The following FBXL17 variants were observed in gnomAD, a reference collection of about 807,000 sequenced individuals.
The protein encoded by FBXL17 is F-box and leucine rich repeat protein 17.
FBXL17 carries 22 observed loss-of-function variants against 66.2 expected under a neutral mutation model. The observed-to-expected ratio is 0.33, with a 90% CI of 0.24 to 0.47. FBXL17 has a LOEUF of 0.47. Ranked by LOEUF, FBXL17 falls within the 20% of genes least tolerant of loss-of-function variation. The pLI is 1.00. For missense variants in FBXL17, 878 were observed against 948.2 expected (o/e 0.93, Z 0.97); for synonymous variants, 474 against 400.5 (o/e 1.18, Z -2.19).
At chr5:108,117,659 G>C (rs143267366) in intron 6 of FBXL17, among the ~76,000 whole-genome samples, 1 of 152,038 alleles carries the variant, frequency 6.6e-6, no homozygotes, top group East Asian at 1.9e-4. Flanking sequence ...TTCAAAAAAC[G>C]TTGAGGTATT....
chr5:107,968,423 C>A (rs1258382662), intron 7 of FBXL17, among the ~76,000 whole-genome samples: 1 of 152,054 alleles, frequency 6.6e-6, no homozygotes, highest in Non-Finnish European at 1.5e-5. Context: ...ATGGTGAGGG[C>A]AGGGCAATTT....
At chr5:107,928,329 A>G (rs908468040) in intron 7 of FBXL17, among the ~76,000 whole-genome samples, 4 of 152,036 alleles carry the variant, frequency 2.6e-5, no homozygotes, top group African/African-American at 9.7e-5. Context: ...TCACACCATT[A>G]GTTGAGAAAC....
chr5:108,173,863 A>G (rs1384720855), intron 6 of FBXL17, among the ~76,000 whole-genome samples: 1 of 152,252 alleles, frequency 6.6e-6, no homozygotes, highest in Admixed American at 6.5e-5. Flanking sequence ...TGCTTCATAG[A>G]GAAACAGCTG....
At chr5:108,077,131 T>C (rs1391731909) in intron 6 of FBXL17, among the ~76,000 whole-genome samples, 1 of 152,186 alleles carries the variant, frequency 6.6e-6, no homozygotes, top group Admixed American at 6.5e-5. Flanking sequence ...TGATGGTAAA[T>C]ACTTGGCTTG....
intron 6 of FBXL17, among the ~76,000 whole-genome samples, chr5:108,167,855 A>G (rs1165405991): frequency 6.6e-6 from 1 of 152,246 alleles, no homozygotes; most frequent in East Asian, 1.9e-4. Context: ...GCTTTAAGAA[A>G]GGGAAGAAGA....
chr5:108,230,369 A>C (rs75865913), intron 4 of FBXL17, among the ~76,000 whole-genome samples: 6 of 152,170 alleles, frequency 3.9e-5, no homozygotes, highest in Non-Finnish European at 7.3e-5. Context: ...GTATATATAC[A>C]CAACAGAATA....
chr5:108,085,857 A>G (rs1748950025), intron 6 of FBXL17, among the ~76,000 whole-genome samples: 1 of 152,154 alleles, frequency 6.6e-6, no homozygotes, highest in Non-Finnish European at 1.5e-5. Flanking sequence ...CTGGGAGGCA[A>G]TGGCTGCAGT....
At chr5:107,869,377 GC>G (rs1205748030) in intron 8 of FBXL17, among the ~76,000 whole-genome samples, 2 of 152,138 alleles carry the variant, frequency 1.3e-5, no homozygotes, top group African/African-American at 4.8e-5. Context: ...ACCTTAATGT[GC>G]TTTCAGCTGG....
chr5:108,309,790 C>T (rs902426745), intron 4 of FBXL17, among the ~76,000 whole-genome samples: 41 of 151,882 alleles, frequency 2.7e-4, no homozygotes, highest in Admixed American at 3.9e-4. Flanking sequence ...TGATTTCTGC[C>T]ATTTGTACTT....
intron 4 of FBXL17, among the ~76,000 whole-genome samples, chr5:108,323,434 A>G (rs1351429221): frequency 6.6e-6 from 1 of 151,882 alleles, no homozygotes; most frequent in Admixed American, 6.6e-5. Context: ...ACAAAATATC[A>G]CTGAAAGAAA....
At chr5:108,317,197 C>T (rs1759405722) in intron 4 of FBXL17, among the ~76,000 whole-genome samples, 1 of 151,126 alleles carries the variant, frequency 6.6e-6, no homozygotes, top group African/African-American at 2.4e-5. Context: ...AAATCGGTTC[C>T]CCCAAAATCA....
chr5:108,313,150 T>C (rs189632774), intron 4 of FBXL17, among the ~76,000 whole-genome samples: 4 of 152,202 alleles, frequency 2.6e-5, no homozygotes. Context: ...TAAGAAGAGA[T>C]GATAAAGTAG....
chr5:108,070,512 C>T (rs928163571), intron 6 of FBXL17, among the ~76,000 whole-genome samples: 3 of 152,176 alleles, frequency 2.0e-5, no homozygotes, highest in African/African-American at 4.8e-5. Context: ...CTTATCACTA[C>T]GAATGCTTCA....
chr5:108,217,433 C>T (rs2966808), intron 5 of FBXL17, among the ~76,000 whole-genome samples: 58,450 of 151,794 alleles, frequency 0.39, 11,895 homozygotes, highest in African/African-American at 0.52. Context: ...GCTGTAACAC[C>T]GGCAACTTTT....
chr5:107,926,561 T>A lies in FBXL17; in HGVS notation c.1823-45382A>T, dbSNP rs148658248. 4.9e-3 allele frequency among the ~76,000 whole-genome samples: 749 copies of A among 151,896 alleles called. 6 individuals are homozygous for A. The highest frequency in any genetic ancestry group is 0.017 in the African/African-American group (695 of 41,418). On this transcript the variant is annotated intron_variant, in intron 7 of 8. Transcript: ENST00000542267. ...ATATTCTGATGTTTAATTTGGTGAT[T>A]AATGTGTGTCATGATCTCTGGCAAA...
chr5:108,252,939 T>C (rs1756419491), intron 4 of FBXL17, among the ~76,000 whole-genome samples: 1 of 152,226 alleles, frequency 6.6e-6, no homozygotes, highest in African/African-American at 2.4e-5. Context: ...AAAAGGCTGA[T>C]GTGAAGATGT....
At chr5:107,999,667 G>A (rs762321176) in intron 7 of FBXL17, among the ~76,000 whole-genome samples, 7 of 151,632 alleles carry the variant, frequency 4.6e-5, no homozygotes, top group Non-Finnish European at 8.8e-5. Context: ...CACAAACACA[G>A]ACACAACTCA....
intron 4 of FBXL17, among the ~76,000 whole-genome samples, chr5:108,276,248 T>G (rs1757476759): frequency 6.6e-6 from 1 of 152,152 alleles, no homozygotes; most frequent in South Asian, 2.1e-4. Flanking sequence ...CTTTAATTGC[T>G]TTGTTAGAAT....
At chr5:108,125,234 A>G (rs114283943) in intron 6 of FBXL17, among the ~76,000 whole-genome samples, 4,958 of 152,174 alleles carry the variant, frequency 0.033, 119 homozygotes, top group Non-Finnish European at 0.049. Context: ...TGTGATTATT[A>G]AACATTATAC....
Sources: gnomAD v4.1 joint callset for allele counts (sites outside exome capture counted in the v4.1 genomes callset) on GRCh38, gnomAD v4.1.1 for gene constraint, MANE v1.5 for transcripts, NCBI Gene and HGNC (gene_info 2026-07-23, HGNC 2026-07-21) for gene names.